Variants in GRIK2 observed in about 807,000 individuals in gnomAD.
GRIK2 encodes glutamate ionotropic receptor kainate type subunit 2.
A neutral mutation model predicts 100.3 loss-of-function variants in GRIK2; 32 were observed. The ratio of observed to expected loss-of-function variants is 0.32; its 90% confidence interval spans 0.24 to 0.43. The LOEUF is 0.43. Ranked by LOEUF, GRIK2 falls within the 20% of genes least tolerant of loss-of-function variation. The pLI is 1.00. For missense variants in GRIK2, 843 were observed against 1,114.9 expected, an observed-to-expected ratio of 0.76 and a Z score of 3.47; for synonymous variants, 417 against 389.4, an observed-to-expected ratio of 1.07 and a Z score of -0.83.
intron 2 of GRIK2, among the ~76,000 whole-genome samples, chr6:101,411,908 G>A (rs537232800): frequency 6.6e-6 from 1 of 152,042 alleles, no homozygotes; most frequent in East Asian, 1.9e-4. Context: ...CCACACTAAA[G>A]GATCCCCTAA....
intron 7 of GRIK2, among the ~76,000 whole-genome samples, chr6:101,697,998 G>C (rs910136449): frequency 6.6e-6 from 1 of 152,040 alleles, no homozygotes; most frequent in Admixed American, 6.6e-5. Flanking sequence ...ATTCTCAAAG[G>C]ATCTTTTGAT....
chr6:101,813,150 CACACACACACATAT>C (rs915622955), intron 9 of GRIK2, among the ~76,000 whole-genome samples: 4 of 152,052 alleles, frequency 2.6e-5, no homozygotes, highest in Non-Finnish European at 4.4e-5. Context: ...TATACACACA[CACACACACACATAT>C]ACACACACAT....
chr6:101,444,818 C>A (rs1288745012), intron 2 of GRIK2, among the ~76,000 whole-genome samples: 1 of 152,022 alleles, frequency 6.6e-6, no homozygotes, highest in African/African-American at 2.4e-5. Context: ...TAGATAAAAG[C>A]TTCTCTGTTT....
At chr6:101,779,931 T>C (rs545186391) in intron 7 of GRIK2, among the ~76,000 whole-genome samples, 7 of 152,186 alleles carry the variant, frequency 4.6e-5, no homozygotes, top group African/African-American at 1.7e-4. Flanking sequence ...GATTATCTTA[T>C]CTTCATTATT....
In GRIK2 at chr6:101,627,322, A is replaced by G. The variant is rs542384822; in HGVS notation, c.541+685A>G. ...ACTTCTGGCTAATTTTTGTATTTTT[A>G]GTGGAGTCAGGGTTTCATCATGTTG... is the stretch of plus-strand genomic sequence containing the variant. On this transcript the variant is annotated intron_variant, in intron 4 of 16. Transcript: ENST00000369134. Among the ~76,000 whole-genome samples the G allele has an allele frequency of 1.1e-4, 17 of 152,136 alleles. No individual in the cohort carries two copies. The South Asian group carries it at 3.1e-3, about 28-fold the overall frequency.
chr6:101,499,518 GC>G (rs1270028588), intron 2 of GRIK2, among the ~76,000 whole-genome samples: 1 of 152,012 alleles, frequency 6.6e-6, no homozygotes, highest in Non-Finnish European at 1.5e-5. Context: ...TTTTTAATGT[GC>G]TTTGATTTTA....
At chr6:101,585,545 A>C (rs55727504) in intron 2 of GRIK2, among the ~76,000 whole-genome samples, 9,396 of 152,144 alleles carry the variant, frequency 0.062, 370 homozygotes, top group South Asian at 0.12. Flanking sequence ...GCACAACATA[A>C]TGAGGTAAAT....
At chr6:101,824,473 A>G (rs1728249254) in intron 10 of GRIK2, among the ~76,000 whole-genome samples, 2 of 152,226 alleles carry the variant, frequency 1.3e-5, no homozygotes, top group African/African-American at 2.4e-5. Flanking sequence ...TTTTTCCTCT[A>G]AATTCTTAGT....
intron 10 of GRIK2, among the ~76,000 whole-genome samples, chr6:101,848,258 C>T (rs2128438474): frequency 6.6e-6 from 1 of 152,154 alleles, no homozygotes; most frequent in East Asian, 1.9e-4. Flanking sequence ...ATTTCCTTGT[C>T]GTTGTAAGTT....
chr6:101,598,592 T>TAAAAAAAAAAAAAAA (rs75603851), intron 2 of GRIK2, among the ~76,000 whole-genome samples: 1 of 82,386 alleles, frequency 1.2e-5, no homozygotes. Flanking sequence ...TCTTCCTTAA[T>TAAAAAAAAAAAAAAA]AAAAAAAAAA....
chr6:101,809,693 A>G (rs1384076301), intron 9 of GRIK2, among the ~76,000 whole-genome samples: 1 of 152,050 alleles, frequency 6.6e-6, no homozygotes, highest in African/African-American at 2.4e-5. Flanking sequence ...ACTTTAAATT[A>G]GTCAAAAAGT....
intron 2 of GRIK2, among the ~76,000 whole-genome samples, chr6:101,589,917 A>G (rs538979218): frequency 6.6e-6 from 1 of 152,076 alleles, no homozygotes; most frequent in African/African-American, 2.4e-5. Context: ...TTGTTTACCT[A>G]CTTGAAGGGG....
chr6:101,399,430 C>A, intron 2 of GRIK2, 38 bp downstream of exon 2: 3 of 1,014,360 alleles, frequency 3.0e-6, no homozygotes, highest in Non-Finnish European at 4.7e-6. Context: ...CTGGTATCCG[C>A]TCCCAGGCAG....
At chr6:101,866,806 A>T (rs1397907688) in intron 11 of GRIK2, among the ~76,000 whole-genome samples, 1 of 150,842 alleles carries the variant, frequency 6.6e-6, no homozygotes, top group African/African-American at 2.5e-5. Flanking sequence ...CATTTACTTC[A>T]TTCCTTCTTA....
rs1489930440 is a variant in GRIK2, at chr6:101,948,228, A to G, written c.2085+19596A>G. 2.0e-5 allele frequency among the ~76,000 whole-genome samples: 3 copies of G among 151,906 alleles called. No individual in the cohort carries two copies. In the East Asian group the frequency reaches 5.8e-4, roughly 29 times the overall value. On this transcript the variant is annotated intron_variant, in intron 14 of 16. Coordinates refer to ENST00000369134, the MANE Select transcript of GRIK2 (RefSeq NM_021956.5). ...AGTGGTGATAGAATGGTTGGGTAGG[A>G]GCATGAATACTGAGTAATTATATTT...
At chr6:101,965,322 C>A (rs1475506178) in intron 14 of GRIK2, among the ~76,000 whole-genome samples, 1 of 151,982 alleles carries the variant, frequency 6.6e-6, no homozygotes, top group Non-Finnish European at 1.5e-5. Flanking sequence ...AATTTGTAAA[C>A]CTTATTTTTT....
chr6:101,553,507 T>C (rs1453206061), intron 2 of GRIK2, among the ~76,000 whole-genome samples: 2 of 152,206 alleles, frequency 1.3e-5, no homozygotes, highest in Non-Finnish European at 2.9e-5. Flanking sequence ...AATGATTGAA[T>C]AGTTCTTTAT....
intron 14 of GRIK2, among the ~76,000 whole-genome samples, chr6:102,006,908 T>C (rs2114292920): frequency 6.6e-6 from 1 of 152,250 alleles, no homozygotes; most frequent in South Asian, 2.1e-4. Context: ...GCATATTTTC[T>C]GGGTAATTTT....
intron 14 of GRIK2, among the ~76,000 whole-genome samples, chr6:102,013,773 A>C (rs1795675555): frequency 6.6e-6 from 1 of 152,160 alleles, no homozygotes; most frequent in Non-Finnish European, 1.5e-5. Flanking sequence ...AATCCCAGGG[A>C]AAATGCCTAC....
Sources: allele counts gnomAD v4.1 joint callset (sites outside exome capture counted in the v4.1 genomes callset), GRCh38; gene constraint gnomAD v4.1.1; transcripts MANE v1.5; gene names NCBI Gene and HGNC (gene_info 2026-07-23, HGNC 2026-07-21).